SFXN5: variants seen among roughly 807,000 people sequenced by gnomAD.
The protein encoded by SFXN5 is sideroflexin-5.
A neutral mutation model predicts 50.2 loss-of-function variants in SFXN5; 43 were observed. That is an observed-to-expected ratio of 0.86 (90% CI 0.67 to 1.11). The LOEUF (loss-of-function observed/expected upper bound fraction) is 1.11, where lower values mean the gene tolerates loss of function less well. Among genes scored for constraint, SFXN5 ranks in the 50% least tolerant of loss-of-function variants. The pLI, the probability that SFXN5 is intolerant of heterozygous loss-of-function variation, is 0.00. For synonymous variants in SFXN5, 203 were observed against 185.8 expected (o/e 1.09, Z -0.75); for missense variants, 463 against 454.1 (o/e 1.02, Z -0.18).
intron 9 of SFXN5, among the ~76,000 whole-genome samples, chr2:72,994,602 A>C (rs1242407909): frequency 6.6e-6 from 1 of 152,046 alleles, no homozygotes; most frequent in Non-Finnish European, 1.5e-5. Flanking sequence ...GACTGGTCCC[A>C]CAGCACTTCA....
intron 10 of SFXN5, among the ~76,000 whole-genome samples, chr2:72,977,476 C>G (rs1670759525): frequency 6.6e-6 from 1 of 151,994 alleles, no homozygotes; most frequent in African/African-American, 2.4e-5. Context: ...CACTAATAAT[C>G]AGGGTTAGGT....
intron 7 of SFXN5, 85 bp downstream of exon 7, chr2:73,001,440 G>T: frequency 7.0e-7 from 1 of 1,421,892 alleles, no homozygotes; most frequent in Non-Finnish European, 9.9e-7. Flanking sequence ...TCTGGACGGG[G>T]CAGGAGACAC....
At chr2:73,017,640 T>C (rs1467461868) in intron 6 of SFXN5, among the ~76,000 whole-genome samples, 3 of 152,222 alleles carry the variant, frequency 2.0e-5, no homozygotes, top group Non-Finnish European at 4.4e-5. Context: ...TGAGTACATA[T>C]ACTGTTGGAG....
chr2:73,051,265 T>TTTTC (rs1681285154), intron 2 of SFXN5, among the ~76,000 whole-genome samples: 1 of 148,590 alleles, frequency 6.7e-6, no homozygotes, highest in South Asian at 2.2e-4. Flanking sequence ...CACTTTTTTT[T>TTTTC]TTTTTTTTTT....
rs1239751438 is a variant in SFXN5 at position 72,956,975 on chromosome 2, C to T, written c.945+4156G>A. 8.8e-6 allele frequency: 4 copies of T among 456,518 alleles called. No individual in the cohort carries two copies. In the Admixed American group the frequency reaches 9.4e-5, roughly 11 times the overall value. The allele number at this position is 456,518 out of a possible 1,614,324, so 28.3% of individuals were successfully genotyped here. A position where few individuals can be genotyped will look rare whatever the true frequency, so the allele number is the denominator to read the frequency against. ...TCCTCCACTCCTAGTCCCCTCTGCA[C>T]TCACCCACTCTGGAGACAGCCCCTC... On this transcript the variant is annotated intron_variant, in intron 13 of 13. Coordinates refer to ENST00000272433, the MANE Select transcript of SFXN5 (RefSeq NM_144579.3).
intron 3 of SFXN5, among the ~76,000 whole-genome samples, chr2:73,030,287 T>C (rs1231992984): frequency 6.6e-6 from 1 of 152,172 alleles, no homozygotes; most frequent in Non-Finnish European, 1.5e-5. Context: ...TTTGGAGATC[T>C]TTCCATATCA....
chr2:73,052,520 T>C, intron 2 of SFXN5, among the ~76,000 whole-genome samples: 1 of 152,134 alleles, frequency 6.6e-6, no homozygotes. Flanking sequence ...AGTATAATTA[T>C]TTATTCTATC....
At chr2:73,047,530 G>A (rs1338526955) in intron 2 of SFXN5, among the ~76,000 whole-genome samples, 2 of 151,224 alleles carry the variant, frequency 1.3e-5, no homozygotes. Flanking sequence ...GGGCCAGGTG[G>A]AGATAATTGA....
rs1488810512 is a variant in SFXN5 at position 73,004,383 on chromosome 2, CAAG to C, written c.358-2808_358-2806del. ...AACCACAATAAAAACAAAAACCAGACAAGAAAATGGAGGATGACATCCTTTATA... is the reference window on the plus strand; with the variant it reads ...AACCACAATAAAAACAAAAACCAGACAAAATGGAGGATGACATCCTTTATA... On this transcript the variant is annotated intron_variant, in intron 6 of 13. Coordinates refer to ENST00000272433, the MANE Select transcript of SFXN5 (RefSeq NM_144579.3). Among the ~76,000 whole-genome samples the C allele has an allele frequency of 1.5e-4, 22 of 151,082 alleles. No homozygotes were observed. In the South Asian group the frequency reaches 1.7e-3, roughly 12 times the overall value.
chr2:73,054,234 C>T (rs537680865), intron 2 of SFXN5, among the ~76,000 whole-genome samples: 6 of 152,214 alleles, frequency 3.9e-5, no homozygotes, highest in African/African-American at 1.4e-4. Flanking sequence ...AGGAGAAGTG[C>T]AGATCTTTCT....
intron 2 of SFXN5, among the ~76,000 whole-genome samples, chr2:73,053,174 GAA>G (rs879079217): frequency 3.7e-5 from 5 of 134,302 alleles, no homozygotes; most frequent in Non-Finnish European, 1.6e-5. Context: ...ACTCTGCCTC[GAA>G]AAAAAAAAAA....
chr2:73,070,610 G>A (rs1156632662), intron 1 of SFXN5: 1 of 151,908 alleles, frequency 6.6e-6, no homozygotes, highest in Non-Finnish European at 1.5e-5. Context: ...GGGAGCCCGA[G>A]GGTCTGCGGC....
intron 13 of SFXN5, among the ~76,000 whole-genome samples, chr2:72,956,092 T>C (rs912566697): frequency 6.6e-6 from 1 of 152,146 alleles, no homozygotes. Context: ...CCAGGCTCCA[T>C]GGGGCAGAGA....
At chr2:73,025,442 A>G (rs1202020019) in intron 3 of SFXN5, among the ~76,000 whole-genome samples, 2 of 152,190 alleles carry the variant, frequency 1.3e-5, no homozygotes, top group East Asian at 3.9e-4. Context: ...GTGCTTAATG[A>G]AGGAATATCA....
intron 10 of SFXN5, among the ~76,000 whole-genome samples, chr2:72,982,160 TC>T: frequency 6.6e-6 from 1 of 152,254 alleles, no homozygotes; most frequent in African/African-American, 2.4e-5. Flanking sequence ...ACATGTTCAA[TC>T]CCCATGAAAA....
chr2:72,972,768 A>G (rs890926094), intron 10 of SFXN5, among the ~76,000 whole-genome samples: 1 of 152,238 alleles, frequency 6.6e-6, no homozygotes, highest in South Asian at 2.1e-4. Context: ...TGCTGTGTTT[A>G]AAGTTTTAAT....
intron 2 of SFXN5, among the ~76,000 whole-genome samples, chr2:73,047,370 TATGTATATATAC>T (rs1264810938): frequency 2.8e-5 from 4 of 145,450 alleles, no homozygotes; most frequent in Non-Finnish European, 6.0e-5. Context: ...TATGTATATA[TATGTATATATAC>T]ATGTATATGT....
At chr2:72,949,205 G>A (rs1207674247) in intron 13 of SFXN5, among the ~76,000 whole-genome samples, 1 of 152,228 alleles carries the variant, frequency 6.6e-6, no homozygotes, top group East Asian at 1.9e-4. Context: ...GGCAGGAAAT[G>A]GAGGTGTGGC....
chr2:73,027,645 G>T (rs962666110), intron 3 of SFXN5, among the ~76,000 whole-genome samples: 1 of 151,996 alleles, frequency 6.6e-6, no homozygotes, highest in East Asian at 1.9e-4. Flanking sequence ...TTCTATGAAG[G>T]TGTATCATTT....
Sources: allele counts gnomAD v4.1 joint callset (sites outside exome capture counted in the v4.1 genomes callset), GRCh38; gene constraint gnomAD v4.1.1; transcripts MANE v1.5; gene names NCBI Gene and HGNC (gene_info 2026-07-23, HGNC 2026-07-21).